Variants in DCC observed in about 807,000 individuals in gnomAD.
DCC encodes the protein DCC netrin 1 receptor, also known as netrin receptor DCC.
A neutral mutation model predicts 172.5 loss-of-function variants in DCC; 58 were observed. The observed-to-expected ratio is 0.34, with a 90% CI of 0.27 to 0.42. DCC has a LOEUF of 0.42. Ranked by LOEUF, DCC falls within the 10% of genes least tolerant of loss-of-function variation. The probability of loss-of-function intolerance (pLI) is 1.00; values close to 1 mark genes in which losing one functional copy is unlikely to be tolerated. For missense variants in DCC, 1,740 were observed against 1,791.0 expected, an observed-to-expected ratio of 0.97 and a Z score of 0.51; for synonymous variants, 709 against 644.5, an observed-to-expected ratio of 1.10 and a Z score of -1.52.
At chr18:52,922,462 G>C (rs2040141323) in intron 3 of DCC, among the ~76,000 whole-genome samples, 1 of 152,056 alleles carries the variant, frequency 6.6e-6, no homozygotes, top group Admixed American at 6.6e-5. Flanking sequence ...GATTGGGTCT[G>C]TCCTCACTCA....
At chr18:53,167,792 A>G (rs556325065) in intron 8 of DCC, among the ~76,000 whole-genome samples, 2 of 152,318 alleles carry the variant, frequency 1.3e-5, no homozygotes, top group South Asian at 4.1e-4. Context: ...TATAAACAGA[A>G]AGCAATGAAA....
intron 9 of DCC, among the ~76,000 whole-genome samples, chr18:53,183,277 G>A (rs1008686833): frequency 5.3e-5 from 8 of 152,118 alleles, no homozygotes; most frequent in Non-Finnish European, 1.2e-4. Flanking sequence ...TCCAGTTTAT[G>A]AAATAATTGC....
At chr18:52,950,865 C>T (rs968699485) in intron 5 of DCC, among the ~76,000 whole-genome samples, 1 of 130,754 alleles carries the variant, frequency 7.6e-6, no homozygotes, top group African/African-American at 2.9e-5. Context: ...GCGGAGCTTG[C>T]AGTGAGCCGA....
intron 1 of DCC, among the ~76,000 whole-genome samples, chr18:52,478,602 T>G (rs1046001077): frequency 1.3e-5 from 2 of 152,194 alleles, no homozygotes; most frequent in Non-Finnish European, 2.9e-5. Flanking sequence ...ACAGGAAGCA[T>G]GCTGTTGGCA....
intron 2 of DCC, among the ~76,000 whole-genome samples, chr18:52,798,767 T>TC (rs11442813): frequency 0.66 from 99,877 of 151,254 alleles, 33,566 homozygotes; most frequent in East Asian, 0.88. Context: ...CTTTTTTTTT[T>TC]TTAAGGTGGA....
chr18:52,948,030 A>G (rs1416278753), intron 5 of DCC, among the ~76,000 whole-genome samples: 3 of 152,180 alleles, frequency 2.0e-5, no homozygotes, highest in Non-Finnish European at 4.4e-5. Context: ...AAAACACAGA[A>G]AGATGTATAT....
chr18:52,958,777 C>T (rs190408014), intron 5 of DCC, among the ~76,000 whole-genome samples: 513 of 152,062 alleles, frequency 3.4e-3, no homozygotes, highest in Admixed American at 5.8e-3. Context: ...GACATGTTGT[C>T]GGGAGGGGTC....
At position 53,351,405 on chromosome 18, in the gene DCC, A is replaced by ATATATATACAG. The variant is rs1568075127; in HGVS notation, c.2359+11506_2359+11507insCAGTATATATA. Among the ~76,000 whole-genome samples the ATATATATACAG allele has an allele frequency of 3.7e-3, 45 of 12,002 alleles. 5 individuals are homozygous for ATATATATACAG. The highest frequency in any genetic ancestry group is 8.5e-3 in the Admixed American group (6 of 704). 7.9% of individuals were successfully genotyped at this position (12,002 alleles called of 152,430 possible). ...TACAGTATATATATATACAGTGTAT[A>ATATATATACAG]TATATATATATACACACTGTGTATA... On this transcript the variant is annotated intron_variant, in intron 15 of 28. Coordinates refer to ENST00000442544, the MANE Select transcript of DCC (RefSeq NM_005215.4).
chr18:53,165,169 G>A (rs2054897892), intron 8 of DCC, among the ~76,000 whole-genome samples: 1 of 152,116 alleles, frequency 6.6e-6, no homozygotes, highest in Admixed American at 6.5e-5. Flanking sequence ...TGCAAATGAA[G>A]CAGAGAAGGC....
intron 9 of DCC, among the ~76,000 whole-genome samples, chr18:53,182,118 C>T (rs1299522328): frequency 6.6e-6 from 1 of 152,132 alleles, no homozygotes; most frequent in Non-Finnish European, 1.5e-5. Context: ...AATGATAAGG[C>T]ATAAAATAAC....
chr18:53,156,629 T>A (rs1180223474), intron 7 of DCC, among the ~76,000 whole-genome samples: 12 of 152,174 alleles, frequency 7.9e-5, no homozygotes, highest in African/African-American at 2.7e-4. Context: ...TCTACAGTAA[T>A]AACTGCCCCC....
At chr18:53,433,807 A>G (rs1911778402) in intron 21 of DCC, among the ~76,000 whole-genome samples, 1 of 152,116 alleles carries the variant, frequency 6.6e-6, no homozygotes, top group African/African-American at 2.4e-5. Flanking sequence ...CCTGCATCCT[A>G]TCTCCTACTT....
At chr18:53,048,478 T>A (rs947640125) in intron 5 of DCC, among the ~76,000 whole-genome samples, 1 of 145,812 alleles carries the variant, frequency 6.9e-6, no homozygotes, top group African/African-American at 2.6e-5. Flanking sequence ...GGCTGTGTAA[T>A]ACTCCATGGT....
chr18:53,216,462 C>T (rs927197859), intron 12 of DCC, among the ~76,000 whole-genome samples: 6 of 152,266 alleles, frequency 3.9e-5, no homozygotes, highest in African/African-American at 1.4e-4. Flanking sequence ...CTTTTCATAA[C>T]TATTTGGTCT....
intron 1 of DCC, among the ~76,000 whole-genome samples, chr18:52,707,296 C>G (rs866483941): frequency 1.3e-5 from 2 of 152,254 alleles, no homozygotes; most frequent in South Asian, 4.1e-4. Context: ...GTGAGTTATA[C>G]TAAATAAATT....
chr18:52,438,959 A>G (rs994196686), intron 1 of DCC, among the ~76,000 whole-genome samples: 1 of 152,190 alleles, frequency 6.6e-6, no homozygotes, highest in Non-Finnish European at 1.5e-5. Flanking sequence ...TCAAAGGCAT[A>G]TGAATAGTGG....
chr18:53,209,519 G>A (rs535133637), intron 11 of DCC, among the ~76,000 whole-genome samples: 73 of 152,174 alleles, frequency 4.8e-4, no homozygotes, highest in Non-Finnish European at 9.4e-4. Flanking sequence ...AAAGTACCTG[G>A]GTGTACATTT....
intron 1 of DCC, among the ~76,000 whole-genome samples, chr18:52,400,010 A>G (rs758894564): frequency 8.6e-5 from 13 of 152,030 alleles, no homozygotes; most frequent in East Asian, 1.9e-4. Context: ...AATAAATACA[A>G]TTATACCAAA....
chr18:53,038,104 G>T (rs1014924986), intron 5 of DCC, among the ~76,000 whole-genome samples: 1 of 151,938 alleles, frequency 6.6e-6, no homozygotes, highest in Non-Finnish European at 1.5e-5. Context: ...ATTTATTCAT[G>T]TATTCATTTA....
Sources: allele counts gnomAD v4.1 joint callset (sites outside exome capture counted in the v4.1 genomes callset), GRCh38; gene constraint gnomAD v4.1.1; transcripts MANE v1.5; gene names NCBI Gene and HGNC (gene_info 2026-07-23, HGNC 2026-07-21).